ABCA13: variants seen among roughly 807,000 people sequenced by gnomAD.
ABCA13 encodes ATP-binding cassette sub-family A member 13.
A neutral mutation model predicts 478.7 loss-of-function variants in ABCA13; 476 were observed. That is an observed-to-expected ratio of 0.99 (90% CI 0.92 to 1.07). ABCA13 has a LOEUF of 1.07. Ranked by LOEUF, ABCA13 falls within the 50% of genes least tolerant of loss-of-function variation. The pLI is 0.00. For synonymous variants in ABCA13, 2,252 were observed against 2,158.9 expected, an observed-to-expected ratio of 1.04 and a Z score of -1.20; for missense variants, 6,060 against 5,910.6, an observed-to-expected ratio of 1.03 and a Z score of -0.83.
rs1182639526 is a variant in ABCA13, at chr7:48,279,015, T to C, written c.7821T>C (p.Tyr2607=). The change falls in exon 18 of 62, where the codon TAT becomes TAC. Residue 2607 remains tyrosine (Y), a synonymous_variant. Coordinates refer to ENST00000435803, the MANE Select transcript of ABCA13 (RefSeq NM_152701.5). The part of the protein sequence containing the change: ...LAFEMIGVEP[Y]ISSNSDIFSM... Reference sequence around the variant, plus strand: ...TTGAAATGATTGGGGTAGAACCTTATATATCATCAAACTCTGATATTTTCA... The same window carrying C: ...TTGAAATGATTGGGGTAGAACCTTACATATCATCAAACTCTGATATTTTCA... 6 of 1,613,164 alleles carry C rather than the reference T, an allele frequency of 3.7e-6. No homozygotes were observed. Among genetic ancestry groups the C allele is most frequent in the East Asian group, 2.2e-5 (1 of 44,864 alleles).
chr7:48,311,992 A>G (rs1389979439), intron 24 of ABCA13, among the ~76,000 whole-genome samples: 1 of 152,176 alleles, frequency 6.6e-6, no homozygotes, highest in Non-Finnish European at 1.5e-5. Flanking sequence ...TTTTTTTTAA[A>G]GGGCAGCTGC....
At chr7:48,524,840 TAAAGAAC>T (rs1020228681) in intron 54 of ABCA13, among the ~76,000 whole-genome samples, 27 of 150,642 alleles carry the variant, frequency 1.8e-4, no homozygotes, top group African/African-American at 6.7e-4. Flanking sequence ...TCAGAAAAGG[TAAAGAAC>T]ACTCATCCAC....
chr7:48,368,747 TTATA>T (rs142919965), intron 32 of ABCA13, among the ~76,000 whole-genome samples: 2 of 135,960 alleles, frequency 1.5e-5, no homozygotes, highest in East Asian at 2.1e-4. Context: ...ATATATACAT[TTATA>T]TATATATATA....
chr7:48,193,354 G>C (rs1227298755), intron 2 of ABCA13, among the ~76,000 whole-genome samples: 4 of 152,144 alleles, frequency 2.6e-5, no homozygotes, highest in Non-Finnish European at 5.9e-5. Flanking sequence ...AGAAGAAGTA[G>C]AAGTGGGAGA....
chr7:48,215,302 C>T (rs1373114743), intron 3 of ABCA13, among the ~76,000 whole-genome samples: 1 of 152,074 alleles, frequency 6.6e-6, no homozygotes, highest in African/African-American at 2.4e-5. Context: ...AATGGCCAAA[C>T]AGTGGAGCAG....
chr7:48,445,491 C>T (rs1398528766), intron 42 of ABCA13, among the ~76,000 whole-genome samples: 2 of 152,188 alleles, frequency 1.3e-5, no homozygotes, highest in African/African-American at 4.8e-5. Context: ...AGATCAAGCT[C>T]CTTCTTGCCC....
intron 59 of ABCA13, chr7:48,626,910 A>G: frequency 1.0e-6 from 1 of 985,452 alleles, no homozygotes; most frequent in Non-Finnish European, 1.2e-6. Context: ...TTGCTATGGC[A>G]AGAAGCAGGA....
chr7:48,282,579 C>G (rs1584615272), intron 19 of ABCA13, among the ~76,000 whole-genome samples: 1 of 152,292 alleles, frequency 6.6e-6, no homozygotes, highest in East Asian at 1.9e-4. Context: ...AGGGCTTACT[C>G]CATATCCTGG....
intron 55 of ABCA13, among the ~76,000 whole-genome samples, chr7:48,549,018 C>T (rs1052605777): frequency 2.6e-5 from 4 of 151,492 alleles, no homozygotes; most frequent in Non-Finnish European, 4.4e-5. Context: ...CAACTCTAGC[C>T]TATTTAGGAG....
chr7:48,234,478 A>C (rs1789650688), intron 8 of ABCA13, among the ~76,000 whole-genome samples: 1 of 152,188 alleles, frequency 6.6e-6, no homozygotes, highest in Non-Finnish European at 1.5e-5. Context: ...AGTGGGGTCC[A>C]GGTAGGAAGA....
chr7:48,436,520 C>T (rs1822854516), intron 42 of ABCA13, among the ~76,000 whole-genome samples: 1 of 151,496 alleles, frequency 6.6e-6, no homozygotes, highest in Non-Finnish European at 1.5e-5. Context: ...GTATTTTATT[C>T]ATCTCTGCTT....
chr7:48,391,834 C>A, intron 37 of ABCA13, 87 bp from the exon 38 acceptor site: 1 of 1,259,084 alleles, frequency 7.9e-7, no homozygotes. Flanking sequence ...TGGCAGGATG[C>A]ATGCGCCATC....
chr7:48,313,969 ATGTGTGTGTGTGTATG>A lies in ABCA13; in HGVS notation c.9682-249_9682-234del, dbSNP rs960010514. On this transcript the variant is annotated intron_variant, in intron 25 of 61. Transcript: ENST00000435803. ...TACTGGACAAATAGTGTAAGGACTT[ATGTGTGTGTGTGTATG>A]TGTGTGTGTGTGTGTGTGTGTAGGT... Among the ~76,000 whole-genome samples the A allele has an allele frequency of 4.7e-4, 71 of 149,902 alleles. 2 individuals are homozygous for A. The East Asian group carries it at 0.014, about 29-fold the overall frequency.
intron 2 of ABCA13, among the ~76,000 whole-genome samples, chr7:48,195,490 A>G (rs923164664): frequency 1.3e-5 from 2 of 152,122 alleles, no homozygotes; most frequent in African/African-American, 4.8e-5. Context: ...AACTGGCTGG[A>G]TGCATGAGGA....
At chr7:48,596,944 T>A (rs889991898) in intron 58 of ABCA13, among the ~76,000 whole-genome samples, 2 of 152,058 alleles carry the variant, frequency 1.3e-5, no homozygotes, top group African/African-American at 2.4e-5. Flanking sequence ...CTCTTTTTTT[T>A]ATTTATCATA....
At chr7:48,490,456 T>C (rs949040167) in intron 48 of ABCA13, among the ~76,000 whole-genome samples, 2 of 152,222 alleles carry the variant, frequency 1.3e-5, no homozygotes, top group Non-Finnish European at 2.9e-5. Flanking sequence ...GGGCCATGAC[T>C]GGATTCTAGG....
At chr7:48,563,918 T>C (rs1168190842) in intron 55 of ABCA13, among the ~76,000 whole-genome samples, 3 of 152,064 alleles carry the variant, frequency 2.0e-5, no homozygotes, top group Non-Finnish European at 1.5e-5. Context: ...CCTCTACAAA[T>C]ATAACTCTAT....
rs1377847339 is a variant in ABCA13, at chr7:48,275,209, C to A, written c.5543C>A (p.Ser1848Tyr). The change falls in exon 17 of 62, where the codon TCT (serine) becomes TAT (tyrosine). Residue 1848 changes from serine to tyrosine, a missense_variant. By Grantham distance (144) the Ser-to-Tyr change is moderately radical. Coordinates refer to ENST00000435803, the MANE Select transcript of ABCA13 (RefSeq NM_152701.5). The stretch of plus-strand genomic sequence containing the variant: ...CCCTGCAATGTCCATGGGCTCATGT[C>A]TTCTTCCTTTTATGGCAAAGTGGCC... ...IDPCNVHGLM[S>Y]SSFYGKVASI... 16 of 1,613,922 alleles carry A rather than the reference C, an allele frequency of 9.9e-6. No individual in the cohort carries two copies. The highest frequency in any genetic ancestry group is 1.4e-5 in the Non-Finnish European group (16 of 1,179,868).
intron 59 of ABCA13, among the ~76,000 whole-genome samples, chr7:48,621,234 A>G (rs1262331304): frequency 1.3e-5 from 2 of 151,712 alleles, no homozygotes; most frequent in Non-Finnish European, 1.5e-5. Context: ...TTTTTTCTTT[A>G]TAGCAATAAT....
Sources: gnomAD v4.1 joint callset for allele counts (sites outside exome capture counted in the v4.1 genomes callset) on GRCh38, gnomAD v4.1.1 for gene constraint, MANE v1.5 for transcripts, NCBI Gene and HGNC (gene_info 2026-07-23, HGNC 2026-07-21) for gene names.